QTMAN: variants seen among roughly 807,000 people sequenced by gnomAD.
The protein encoded by QTMAN is queuosine-tRNA mannosyltransferase, also known as tRNA-queuosine alpha-mannosyltransferase.
the QTMAN span, among the ~76,000 whole-genome samples, chr2:144,289,296 G>C: frequency 6.6e-6 from 1 of 152,122 alleles, no homozygotes; most frequent in Admixed American, 6.5e-5. Context: ...CAAAGTGCTG[G>C]AATTACAGGC....
At chr2:144,305,796 G>A in the QTMAN span, among the ~76,000 whole-genome samples, 25 of 151,910 alleles carry the variant, frequency 1.6e-4, no homozygotes, top group Admixed American at 6.6e-4. Context: ...TTTTTTTACC[G>A]CTTATTTTCT....
the QTMAN span, among the ~76,000 whole-genome samples, chr2:144,241,763 A>T: frequency 2.0e-5 from 3 of 151,996 alleles, no homozygotes; most frequent in South Asian, 2.1e-4. Flanking sequence ...GATATTACCT[A>T]GTGTGTAAGT....
the QTMAN span, among the ~76,000 whole-genome samples, chr2:144,301,504 T>C: frequency 6.6e-6 from 1 of 152,216 alleles, no homozygotes; most frequent in Non-Finnish European, 1.5e-5. Context: ...ATTACAGGCA[T>C]GAGCCACCGC....
At chr2:144,013,771 T>C in the QTMAN span, among the ~76,000 whole-genome samples, 2 of 152,156 alleles carry the variant, frequency 1.3e-5, no homozygotes, top group African/African-American at 4.8e-5. Context: ...TCTAAGGCCT[T>C]GGGTGATTTA....
the QTMAN span, among the ~76,000 whole-genome samples, chr2:144,313,925 A>C: frequency 6.6e-5 from 10 of 151,950 alleles, no homozygotes; most frequent in African/African-American, 2.4e-4. Context: ...TACAAACTTG[A>C]ACTAACAATG....
the QTMAN span, among the ~76,000 whole-genome samples, chr2:144,218,432 T>C: frequency 3.3e-5 from 5 of 152,228 alleles, no homozygotes; most frequent in South Asian, 1.0e-3. Flanking sequence ...GCTTAATCAT[T>C]ACACTGGCAT....
At chr2:144,163,709 T>C in the QTMAN span, among the ~76,000 whole-genome samples, 1 of 152,188 alleles carries the variant, frequency 6.6e-6, no homozygotes, top group Non-Finnish European at 1.5e-5. Context: ...GTCATCTCCA[T>C]ATTTGTTTAA....
chr2:144,092,357 AG>A, the QTMAN span, among the ~76,000 whole-genome samples: 380 of 152,008 alleles, frequency 2.5e-3, 1 homozygote, highest in Non-Finnish European at 4.6e-3. Flanking sequence ...TTGTACTTTT[AG>A]TAGAGACAGG....
chr2:143,939,334 T>C, the QTMAN span: 2 of 152,232 alleles, frequency 1.3e-5, no homozygotes, highest in Admixed American at 1.3e-4. Flanking sequence ...ATGATGTTCA[T>C]GAGTAGGTTT....
At chr2:144,325,882 G>C in the QTMAN span, among the ~76,000 whole-genome samples, 2 of 152,144 alleles carry the variant, frequency 1.3e-5, no homozygotes, top group Non-Finnish European at 2.9e-5. Context: ...TGCATTACTT[G>C]TTACAGACAT....
the QTMAN span, chr2:143,944,985 G>C: frequency 1.3e-5 from 2 of 150,472 alleles, no homozygotes; most frequent in Non-Finnish European, 2.9e-5. Context: ...GAGTATCTTA[G>C]CCACTATGAA....
the QTMAN span, among the ~76,000 whole-genome samples, chr2:143,990,557 T>C: frequency 2.6e-5 from 4 of 152,172 alleles, no homozygotes; most frequent in Non-Finnish European, 4.4e-5. Context: ...GATGTGAGGA[T>C]GGCTGTTATT....
chr2:144,087,619 CAAG>C, the QTMAN span, among the ~76,000 whole-genome samples: 1 of 151,860 alleles, frequency 6.6e-6, no homozygotes, highest in African/African-American at 2.4e-5. Context: ...TTTATACCTT[CAAG>C]AAGGATTTAT....
chr2:143,993,585 A>T, the QTMAN span, among the ~76,000 whole-genome samples: 2 of 152,154 alleles, frequency 1.3e-5, no homozygotes, highest in Admixed American at 1.3e-4. Context: ...CAGTGAATGG[A>T]GTGATGCAGT....
At chr2:144,147,459 C>A in the QTMAN span, among the ~76,000 whole-genome samples, 1 of 151,836 alleles carries the variant, frequency 6.6e-6, no homozygotes, top group Non-Finnish European at 1.5e-5. Context: ...ACCTAAAAAT[C>A]TGATCTTTAG....
the QTMAN span, chr2:143,946,983 T>C: frequency 9.0e-7 from 1 of 1,108,320 alleles, no homozygotes; most frequent in Non-Finnish European, 1.4e-6. Flanking sequence ...ATCAGGTAAA[T>C]ATGGGCACAC....
the QTMAN span, among the ~76,000 whole-genome samples, chr2:144,199,670 A>T: frequency 6.6e-6 from 1 of 152,222 alleles, no homozygotes; most frequent in Non-Finnish European, 1.5e-5. Context: ...TTTTAATTCA[A>T]GGAGATGTAC....
the QTMAN span, among the ~76,000 whole-genome samples, chr2:144,171,842 T>C: frequency 5.9e-5 from 9 of 152,138 alleles, no homozygotes; most frequent in East Asian, 1.9e-4. Context: ...AGGTTACAAA[T>C]AGAGAAAACT....
chr2:144,108,651 A>G, the QTMAN span, among the ~76,000 whole-genome samples: 4 of 152,168 alleles, frequency 2.6e-5, no homozygotes, highest in Middle Eastern at 3.4e-3. Context: ...TAAAAAAAAA[A>G]AAAAGAAAAC....
Sources: allele counts gnomAD v4.1 joint callset (sites outside exome capture counted in the v4.1 genomes callset), GRCh38; gene constraint gnomAD v4.1.1; transcripts MANE v1.5; gene names NCBI Gene and HGNC (gene_info 2026-07-23, HGNC 2026-07-21).